NRXN1: variants seen among roughly 807,000 people sequenced by gnomAD.
The protein encoded by NRXN1 is neurexin-1.
NRXN1 carries 39 observed loss-of-function variants against 150.9 expected under a neutral mutation model. The observed-to-expected ratio is 0.26, with a 90% confidence interval of 0.20 to 0.34. NRXN1 has a LOEUF of 0.34. NRXN1 is among the 10% of genes least tolerant of loss of function. The pLI is 1.00. For missense variants in NRXN1, 1,815 were observed against 1,949.9 expected, an observed-to-expected ratio of 0.93 and a Z score of 1.30; for synonymous variants, 924 against 757.0, an observed-to-expected ratio of 1.22 and a Z score of -3.62.
chr2:50,173,165 C>G (rs2152803121), intron 18 of NRXN1, among the ~76,000 whole-genome samples: 1 of 152,240 alleles, frequency 6.6e-6, no homozygotes, highest in Non-Finnish European at 1.5e-5. Flanking sequence ...AATGTGCTAT[C>G]TGGAGCATAA....
At chr2:50,001,327 C>T (rs570081920) in intron 21 of NRXN1, among the ~76,000 whole-genome samples, 2 of 152,084 alleles carry the variant, frequency 1.3e-5, no homozygotes, top group African/African-American at 2.4e-5. Flanking sequence ...ACATTGAAGA[C>T]AATCATACTG....
intron 13 of NRXN1, among the ~76,000 whole-genome samples, chr2:50,504,118 G>A (rs974953216): frequency 8.5e-6 from 1 of 118,302 alleles, no homozygotes; most frequent in Non-Finnish European, 1.7e-5. Context: ...TAGATTAAAG[G>A]AGGCTAAAGA....
intron 9 of NRXN1, among the ~76,000 whole-genome samples, chr2:50,545,869 T>G (rs1297264868): frequency 1.3e-5 from 2 of 152,110 alleles, no homozygotes; most frequent in Admixed American, 1.3e-4. Flanking sequence ...CCTATGCACA[T>G]CCTCCCATGT....
chr2:49,998,629 C>T (rs920024335), intron 21 of NRXN1, among the ~76,000 whole-genome samples: 4 of 151,898 alleles, frequency 2.6e-5, no homozygotes, highest in African/African-American at 4.8e-5. Flanking sequence ...TATTCACTTC[C>T]CTGCCTTCTT....
At chr2:50,938,332 A>G (rs1688852590) in intron 2 of NRXN1, among the ~76,000 whole-genome samples, 1 of 152,210 alleles carries the variant, frequency 6.6e-6, no homozygotes, top group African/African-American at 2.4e-5. Context: ...TTGTGGAACC[A>G]TCATCATATA....
At chr2:50,855,572 T>C (rs1184863580) in intron 5 of NRXN1, among the ~76,000 whole-genome samples, 1 of 152,024 alleles carries the variant, frequency 6.6e-6, no homozygotes, top group Non-Finnish European at 1.5e-5. Context: ...GGTTGAGAAA[T>C]GACTAACCCA....
intron 17 of NRXN1, among the ~76,000 whole-genome samples, chr2:50,370,445 A>G (rs2079933759): frequency 6.6e-6 from 1 of 152,000 alleles, no homozygotes; most frequent in Admixed American, 6.6e-5. Flanking sequence ...AGGTGCTCGT[A>G]AATGTCTGGT....
chr2:50,964,024 A>T, intron 2 of NRXN1: 2 of 430,446 alleles, frequency 4.6e-6, no homozygotes, highest in South Asian at 3.3e-5. Flanking sequence ...TCAGCATTTA[A>T]TTTTTTGCCT....
rs148027787 is a variant in NRXN1 at position 50,458,971 on chromosome 2, A to G, written c.3364+6471T>C. Among the ~76,000 whole-genome samples the G allele has an allele frequency of 4.7e-4, 72 of 152,220 alleles. No homozygotes were observed. The East Asian group carries it at 0.013, about 28-fold the overall frequency. On this transcript the variant is annotated intron_variant, in intron 17 of 22. Transcript: ENST00000401669. The stretch of plus-strand genomic sequence containing the variant: ...TTTGGAGAAAAGGTAAAGCTTATAA[A>G]ATTTAAATGGCATGCATATAATACA...
chr2:50,621,144 AAAAG>A (rs1192025864), intron 7 of NRXN1, 78 bp downstream of exon 7: 19 of 1,284,874 alleles, frequency 1.5e-5, no homozygotes, highest in South Asian at 4.3e-5. Flanking sequence ...GTCTACAGTT[AAAAG>A]AAAGAAAGAA....
intron 18 of NRXN1, among the ~76,000 whole-genome samples, chr2:50,114,041 C>T (rs940902306): frequency 1.3e-5 from 2 of 151,786 alleles, no homozygotes; most frequent in African/African-American, 4.8e-5. Flanking sequence ...AAACTGAACC[C>T]TAAAATTACA....
intron 9 of NRXN1, among the ~76,000 whole-genome samples, chr2:50,541,692 T>A (rs1435912769): frequency 2.0e-5 from 3 of 151,268 alleles, no homozygotes; most frequent in Non-Finnish European, 4.4e-5. Context: ...TAAACACACA[T>A]CCACCCACCC....
At chr2:50,563,250 A>T (rs1341776593) in intron 8 of NRXN1, among the ~76,000 whole-genome samples, 1 of 152,230 alleles carries the variant, frequency 6.6e-6, no homozygotes, top group Non-Finnish European at 1.5e-5. Flanking sequence ...TTTGAATTAC[A>T]TTCCTATTAT....
intron 17 of NRXN1, among the ~76,000 whole-genome samples, chr2:50,398,569 A>G (rs1290329880): frequency 6.6e-6 from 1 of 152,150 alleles, no homozygotes; most frequent in East Asian, 1.9e-4. Context: ...AAATGTAAAT[A>G]ATTTATTATA....
chr2:50,037,556 G>T (rs181550670), intron 21 of NRXN1, among the ~76,000 whole-genome samples: 1 of 152,108 alleles, frequency 6.6e-6, no homozygotes, highest in Non-Finnish European at 1.5e-5. Flanking sequence ...TTTCTCCTGA[G>T]ATTTCATTAA....
At chr2:50,593,220 C>T (rs942186907) in intron 8 of NRXN1, among the ~76,000 whole-genome samples, 1 of 152,134 alleles carries the variant, frequency 6.6e-6, no homozygotes, top group East Asian at 1.9e-4. Context: ...TAAGGTTACC[C>T]AATCTTATGT....
At chr2:49,981,612 G>A (rs1288764325) in intron 21 of NRXN1, among the ~76,000 whole-genome samples, 1 of 151,960 alleles carries the variant, frequency 6.6e-6, no homozygotes, top group East Asian at 1.9e-4. Flanking sequence ...ACTTAAATAA[G>A]ACACCTATGA....
intron 12 of NRXN1, among the ~76,000 whole-genome samples, chr2:50,507,533 C>T (rs1216718075): frequency 1.3e-5 from 2 of 148,806 alleles, no homozygotes; most frequent in African/African-American, 5.0e-5. Flanking sequence ...CTATATAAAC[C>T]TATGCAAATG....
chr2:50,887,342 A>C (rs1255914355), intron 5 of NRXN1, among the ~76,000 whole-genome samples: 1 of 151,530 alleles, frequency 6.6e-6, no homozygotes, highest in East Asian at 1.9e-4. Context: ...AAGGAATATC[A>C]GTTTCAGATA....
Sources: allele counts gnomAD v4.1 joint callset (sites outside exome capture counted in the v4.1 genomes callset), GRCh38; gene constraint gnomAD v4.1.1; transcripts MANE v1.5; gene names NCBI Gene and HGNC (gene_info 2026-07-23, HGNC 2026-07-21).